The following MMP26 variants were observed in gnomAD, a reference collection of about 807,000 sequenced individuals.
MMP26 encodes matrix metalloproteinase-26.
In MMP26, 33 loss-of-function variants were observed where a neutral mutation model predicts 31.0. The ratio of observed to expected loss-of-function variants is 1.06; its 90% CI spans 0.81 to 1.42. The LOEUF (loss-of-function observed/expected upper bound fraction) is 1.42, where lower values mean the gene tolerates loss of function less well. MMP26 is among the 40% of genes most tolerant of loss of function. The probability of loss-of-function intolerance (pLI) is 0.00; values close to 1 mark genes in which losing one functional copy is unlikely to be tolerated. For missense variants in MMP26, 347 were observed against 316.1 expected (o/e 1.10, Z -0.74); for synonymous variants, 122 against 114.9 (o/e 1.06, Z -0.40).
intron 2 of MMP26, chr11:4,938,117 G>C (rs1202960134): frequency 6.6e-6 from 1 of 152,138 alleles, no homozygotes; most frequent in Non-Finnish European, 1.5e-5. Flanking sequence ...TAATACATAG[G>C]TTCATGGAGG....
chr11:4,825,912 A>G (rs1237509117), intron 2 of MMP26, among the ~76,000 whole-genome samples: 6 of 152,210 alleles, frequency 3.9e-5, no homozygotes, highest in African/African-American at 1.4e-4. Flanking sequence ...GACAGAAATC[A>G]TACAATAATT....
intron 2 of MMP26, among the ~76,000 whole-genome samples, chr11:4,779,275 A>G (rs1440306503): frequency 2.0e-5 from 3 of 152,020 alleles, no homozygotes; most frequent in Non-Finnish European, 4.4e-5. Flanking sequence ...TACCATGAAT[A>G]TCAATTTAGA....
At chr11:4,980,445 T>C (rs963439194) in intron 2 of MMP26, among the ~76,000 whole-genome samples, 2 of 152,056 alleles carry the variant, frequency 1.3e-5, no homozygotes, top group Non-Finnish European at 2.9e-5. Context: ...ACAATGTATA[T>C]ATTGAACACT....
At chr11:4,717,723 C>A (rs1276384138) in intron 1 of MMP26, among the ~76,000 whole-genome samples, 1 of 152,102 alleles carries the variant, frequency 6.6e-6, no homozygotes, top group East Asian at 1.9e-4. Context: ...TTAATCTTCA[C>A]AACAGTCCTG....
At chr11:4,943,220 A>G (rs564925124) in intron 2 of MMP26, 2 of 187,254 alleles carry the variant, frequency 1.1e-5, no homozygotes, top group African/African-American at 4.7e-5. Flanking sequence ...GACTTACTAG[A>G]ATCTTTTTAA....
chr11:4,722,282 T>C (rs1259137946), intron 1 of MMP26, among the ~76,000 whole-genome samples: 1 of 152,220 alleles, frequency 6.6e-6, no homozygotes, highest in Admixed American at 6.5e-5. Flanking sequence ...TCTCTCACTT[T>C]AAATTATTCT....
intron 2 of MMP26, among the ~76,000 whole-genome samples, chr11:4,855,922 A>G (rs547540813): frequency 2.2e-4 from 34 of 152,330 alleles, no homozygotes; most frequent in African/African-American, 7.9e-4. Context: ...AATATTCAAC[A>G]TTCTTAAAGA....
chr11:4,917,161 A>T (rs1422428877), intron 2 of MMP26, among the ~76,000 whole-genome samples: 1 of 151,210 alleles, frequency 6.6e-6, no homozygotes, highest in African/African-American at 2.4e-5. Flanking sequence ...GTTTTTTTGC[A>T]TGAATAAGTT....
chr11:4,852,395 T>C (rs1849987683), intron 2 of MMP26, among the ~76,000 whole-genome samples: 1 of 152,174 alleles, frequency 6.6e-6, no homozygotes, highest in South Asian at 2.1e-4. Context: ...CTGCATATTC[T>C]TTTCAAGCAC....
At chr11:4,962,708 A>G (rs1846536658) in intron 2 of MMP26, among the ~76,000 whole-genome samples, 1 of 152,182 alleles carries the variant, frequency 6.6e-6, no homozygotes, top group South Asian at 2.1e-4. Flanking sequence ...GAAAGTTGGC[A>G]CAACTCTGGA....
At chr11:4,975,136 G>A (rs1457987992) in intron 2 of MMP26, among the ~76,000 whole-genome samples, 2 of 151,974 alleles carry the variant, frequency 1.3e-5, no homozygotes, top group Non-Finnish European at 2.9e-5. Context: ...TTTTAAAAAT[G>A]CCTAGGACGT....
At chr11:4,821,847 A>G in intron 2 of MMP26, 1 of 1,613,586 alleles carries the variant, frequency 6.2e-7, no homozygotes, top group Non-Finnish European at 8.5e-7. Context: ...CCAATGCCCG[A>G]ATTGCCAAGA....
At chr11:4,842,162 G>A (rs897168848) in intron 2 of MMP26, among the ~76,000 whole-genome samples, 2 of 151,990 alleles carry the variant, frequency 1.3e-5, no homozygotes, top group African/African-American at 4.8e-5. Context: ...AGCACAATAA[G>A]GTATAAACAG....
At chr11:4,784,478 C>G (rs1848908135) in intron 2 of MMP26, among the ~76,000 whole-genome samples, 1 of 152,318 alleles carries the variant, frequency 6.6e-6, no homozygotes, top group East Asian at 1.9e-4. Context: ...ATGAGATCAT[C>G]CTGGATGAAC....
chr11:4,805,137 A>G (rs1311149997), intron 2 of MMP26, among the ~76,000 whole-genome samples: 1 of 152,188 alleles, frequency 6.6e-6, no homozygotes, highest in Non-Finnish European at 1.5e-5. Flanking sequence ...CTGGTTAGCC[A>G]CTTGGCCAAT....
chr11:4,747,130 A>G (rs543793540), intron 1 of MMP26, among the ~76,000 whole-genome samples: 1 of 152,294 alleles, frequency 6.6e-6, no homozygotes, highest in South Asian at 2.1e-4. Flanking sequence ...CCTTAGATAT[A>G]GCATTCTACA....
rs145807490 is a variant in MMP26 at position 4,795,283 on chromosome 11, A to C, written c.-145+27942A>C. ...TCTGCCACCCTGGAAAGACACAAGA[A>C]GCAGGTGTGTGTTGTGTGGGGTGGG... On this transcript the variant is annotated intron_variant, in intron 2 of 7. Transcript: ENST00000380390. 34 of 152,372 alleles carry C rather than the reference A, an allele frequency of 2.2e-4. No homozygotes were observed. The East Asian group carries it at 6.4e-3, about 29-fold the overall frequency. 9.4% of individuals were successfully genotyped at this position (152,372 alleles called of 1,614,324 possible). A position where few individuals can be genotyped will look rare whatever the true frequency, so the allele number is the denominator to read the frequency against.
chr11:4,906,424 A>T (rs1850889730), intron 2 of MMP26, among the ~76,000 whole-genome samples: 1 of 152,222 alleles, frequency 6.6e-6, no homozygotes, highest in Non-Finnish European at 1.5e-5. Context: ...AAATCAAATG[A>T]AAGGGCAAAT....
chr11:4,745,216 T>C (rs1345235972), intron 1 of MMP26, among the ~76,000 whole-genome samples: 1 of 152,192 alleles, frequency 6.6e-6, no homozygotes, highest in African/African-American at 2.4e-5. Flanking sequence ...CCAAAATAAA[T>C]ATTTTTCTTC....
Sources: allele counts gnomAD v4.1 joint callset (sites outside exome capture counted in the v4.1 genomes callset), GRCh38; gene constraint gnomAD v4.1.1; transcripts MANE v1.5; gene names NCBI Gene and HGNC (gene_info 2026-07-23, HGNC 2026-07-21).